Variants in OR1A1 observed in about 807,000 individuals in gnomAD.
OR1A1 encodes the protein olfactory receptor family 1 subfamily A member 1, also known as olfactory receptor 1A1.
For missense variants in OR1A1, 391 were observed against 379.9 expected (o/e 1.03, Z -0.24); for synonymous variants, 145 against 147.8 (o/e 0.98, Z 0.13).
Position 3,216,302 on chromosome 17 carries a change from C to T in OR1A1, c.682C>T (p.Pro228Ser). The T allele has an allele frequency of 6.2e-7, 1 of 1,614,202 alleles. No homozygotes were observed. Among genetic ancestry groups the T allele is most frequent in the Non-Finnish European group, 8.5e-7 (1 of 1,180,030 alleles). The change falls in exon 4 of 4, where the codon CCT becomes TCT. Residue 228 changes from proline to serine, a missense_variant. Coordinates refer to ENST00000641732, the MANE Select transcript of OR1A1 (RefSeq NM_014565.3). ...AGTCTTCTCCACAGTCTTCCAGGTT[C>T]CTTCCACCAAGGGCGTGCTCAAGGC... Reference protein sequence around the residue: ...IRVFSTVFQVPSTKGVLKAFS... With the variant: ...IRVFSTVFQVSSTKGVLKAFS...
At chr17:3,209,260 C>T (rs1007952952) in intron 2 of OR1A1, among the ~76,000 whole-genome samples, 16 of 152,172 alleles carry the variant, frequency 1.1e-4, no homozygotes, top group African/African-American at 3.4e-4. Flanking sequence ...GCTTAGCTCC[C>T]ACATATCAGT....
In OR1A1 at chr17:3,216,084, A is replaced by T; in HGVS notation, c.464A>T (p.Asn155Ile). ...IAGSWVIGNA[N>I]ALPHTLLTAS... ...GGGTCTTGGGTGATTGGAAATGCCAATGCCCTCCCCCACACTCTGCTCACA... is the reference window on the plus strand; with the variant it reads ...GGGTCTTGGGTGATTGGAAATGCCATTGCCCTCCCCCACACTCTGCTCACA... Residue 155 changes from asparagine (N) to isoleucine (I), a missense_variant, in exon 4 of 4, where the codon AAT (asparagine) becomes ATT (isoleucine). Physicochemically the swap from Asn to Ile is moderately radical, Grantham distance 149 (BLOSUM62 -3). Transcript: ENST00000641732. The T allele has an allele frequency of 6.2e-7, 1 of 1,614,128 alleles. No individual in the cohort carries two copies. Among genetic ancestry groups the T allele is most frequent in the Non-Finnish European group, 8.5e-7 (1 of 1,180,010 alleles).
intron 1 of OR1A1, among the ~76,000 whole-genome samples, chr17:3,208,348 CATGTGTGTGTGTGT>C (rs903867445): frequency 3.3e-5 from 5 of 151,820 alleles, no homozygotes; most frequent in Admixed American, 1.3e-4. Flanking sequence ...TGTGTGTGTG[CATGTGTGTGTGTGT>C]AAGAGAGAGC....
At chr17:3,209,364 G>A (rs1212023923) in intron 2 of OR1A1, among the ~76,000 whole-genome samples, 5 of 152,074 alleles carry the variant, frequency 3.3e-5, no homozygotes, top group East Asian at 1.9e-4. Context: ...GGCTTATGCC[G>A]GGAATTTCAA....
chr17:3,215,826 T>C lies in OR1A1; in HGVS notation c.206T>C (p.Val69Ala), dbSNP rs1402660781. ...TTTCTCCTTGCCAACCTCTCCTTGG[T>C]TGACATCTTCTTCTCATCGGTAACC... ...MYFLLANLSL[V>A]DIFFSSVTIP... The change falls in exon 4 of 4, where the codon GTT (valine) becomes GCT (alanine). Residue 69 changes from valine (V) to alanine (A), a missense_variant. Transcript: ENST00000641732. 2 of 1,614,062 alleles carry C rather than the reference T, an allele frequency of 1.2e-6. No homozygotes were observed. Among genetic ancestry groups the C allele is most frequent in the African/African-American group, 1.3e-5 (1 of 74,918 alleles).
chr17:3,218,236 T>C lies in OR1A1; in HGVS notation c.*1686T>C, dbSNP rs1454019310. ...ACAATGAGACACCATCTCATGCCAG[T>C]TGGAATGGCGATCATTAAAAAGTAA... On this transcript the variant is annotated 3_prime_UTR_variant, in exon 4 of 4. Coordinates refer to ENST00000641732, the MANE Select transcript of OR1A1 (RefSeq NM_014565.3). 1 of 152,178 alleles carries C rather than the reference T, an allele frequency of 6.6e-6. No individual in the cohort carries two copies. Among genetic ancestry groups the C allele is most frequent in the East Asian group, 1.9e-4 (1 of 5,194 alleles). 9.4% of individuals were successfully genotyped at this position (152,178 alleles called of 1,614,324 possible).
In OR1A1 at chr17:3,216,141, T is replaced by C; in HGVS notation, c.521T>C (p.Val174Ala). 2 of 1,614,196 alleles carry C rather than the reference T, an allele frequency of 1.2e-6. No homozygotes were observed. Among genetic ancestry groups the C allele is most frequent in the Non-Finnish European group, 8.5e-7 (1 of 1,180,028 alleles). ...ASLSFCGNQE[V>A]ANFYCDITPL... ...CTGTCCTTCTGTGGCAACCAGGAAG[T>C]GGCCAACTTCTACTGTGACATTACC... Residue 174 changes from valine (V) to alanine (A), a missense_variant, in exon 4 of 4, where the codon GTG (valine) becomes GCG (alanine). Transcript: ENST00000641732.
At chr17:3,209,194 T>G (rs1427701996) in intron 2 of OR1A1, among the ~76,000 whole-genome samples, 196 bp downstream of exon 2, 1 of 152,040 alleles carries the variant, frequency 6.6e-6, no homozygotes, top group East Asian at 1.9e-4. Context: ...CTTCGCACTC[T>G]TCCCCCCGAG....
At chr17:3,212,914 C>CTT (rs2048449915) in intron 3 of OR1A1, 1 of 152,294 alleles carries the variant, frequency 6.6e-6, no homozygotes, top group Non-Finnish European at 1.5e-5. Flanking sequence ...GAGGTAGAGT[C>CTT]TGATTTACAT....
Position 3,215,698 on chromosome 17 carries a change from C to T in OR1A1, c.78C>T (p.Phe26=). Residue 26 remains phenylalanine (F), a synonymous_variant, in exon 4 of 4, where the codon TTC becomes TTT. Coordinates refer to ENST00000641732, the MANE Select transcript of OR1A1 (RefSeq NM_014565.3). The part of the protein sequence containing the change: ...GVTGQQEQED[F]FYILFLFIYP... Reference sequence around the variant, plus strand: ...CTGGTCAGCAGGAACAGGAAGATTTCTTCTACATCCTCTTCTTGTTCATTT... The same window carrying T: ...CTGGTCAGCAGGAACAGGAAGATTTTTTCTACATCCTCTTCTTGTTCATTT... 1 of 1,613,864 alleles carries T rather than the reference C, an allele frequency of 6.2e-7. No homozygotes were observed. The highest frequency in any genetic ancestry group is 1.1e-5 in the South Asian group (1 of 91,068).
At chr17:3,213,494 A>T (rs1324907278) in intron 3 of OR1A1, 1 of 152,232 alleles carries the variant, frequency 6.6e-6, no homozygotes, top group Non-Finnish European at 1.5e-5. Flanking sequence ...TTTTTGAGTC[A>T]ATATCTCTTT....
intron 3 of OR1A1, chr17:3,214,861 AACC>A (rs141911636): frequency 0.21 from 31,943 of 152,006 alleles, 3,376 homozygotes; most frequent in South Asian, 0.27. Context: ...AGAGAAAAAA[AACC>A]AACAACTCTT....
chr17:3,211,493 G>T (rs1217127739), intron 2 of OR1A1, among the ~76,000 whole-genome samples: 2 of 151,980 alleles, frequency 1.3e-5, no homozygotes, highest in African/African-American at 4.8e-5. Flanking sequence ...GCACCACCAC[G>T]CCCAGCTAAT....
chr17:3,216,923 A>G lies in OR1A1; in HGVS notation c.*373A>G, dbSNP rs1476144797. The G allele has an allele frequency of 5.7e-6, 1 of 175,922 alleles. No homozygotes were observed. Among genetic ancestry groups the G allele is most frequent in the Non-Finnish European group, 1.2e-5 (1 of 82,324 alleles). The allele number at this position is 175,922 out of a possible 1,614,324, so 10.9% of individuals were successfully genotyped here. ...CATGCTTCCAAGATTATAAATCACT[A>G]TTCATGTGTCCATTTTTATTTGACT... On this transcript the variant is annotated 3_prime_UTR_variant, in exon 4 of 4. Coordinates refer to ENST00000641732, the MANE Select transcript of OR1A1 (RefSeq NM_014565.3).
chr17:3,213,392 G>T (rs1281362832), intron 3 of OR1A1: 2 of 152,154 alleles, frequency 1.3e-5, no homozygotes, highest in East Asian at 3.8e-4. Flanking sequence ...AAGATGATTA[G>T]ACCTACATCC....
intron 3 of OR1A1, chr17:3,214,234 C>T (rs2048455763): frequency 6.6e-6 from 1 of 152,114 alleles, no homozygotes; most frequent in African/African-American, 2.4e-5. Context: ...CACGGTGGCT[C>T]ACGCCTGTAA....
Position 3,216,339 on chromosome 17 carries a change from G to C in OR1A1, c.719G>C (p.Cys240Ser). ...TKGVLKAFST[C>S]GSHLTVVSLY... Reference sequence around the variant, plus strand: ...GGCGTGCTCAAGGCCTTCTCCACCTGTGGTTCCCACCTCACGGTTGTCTCT... The same window carrying C: ...GGCGTGCTCAAGGCCTTCTCCACCTCTGGTTCCCACCTCACGGTTGTCTCT... The change falls in exon 4 of 4, where the codon TGT becomes TCT. Residue 240 changes from cysteine to serine, a missense_variant. By Grantham distance (112) the Cys-to-Ser change is moderately radical (BLOSUM62 -1). Transcript: ENST00000641732. The C allele has an allele frequency of 6.2e-7, 1 of 1,614,186 alleles. No homozygotes were observed. Among genetic ancestry groups the C allele is most frequent in the Non-Finnish European group, 8.5e-7 (1 of 1,180,032 alleles).
chr17:3,209,085 A>G (rs12951449), intron 2 of OR1A1, 87 bp downstream of exon 2: 38,000 of 151,976 alleles, frequency 0.25, 5,566 homozygotes, highest in East Asian at 0.57. Context: ...ATTTGGTTAC[A>G]TGAGTAAGTT....
chr17:3,210,594 T>A (rs1432189602), intron 2 of OR1A1, among the ~76,000 whole-genome samples: 3 of 152,150 alleles, frequency 2.0e-5, no homozygotes, highest in Admixed American at 1.3e-4. Flanking sequence ...TTGCTGGTCC[T>A]TTTTTTGTTG....
Sources: allele counts gnomAD v4.1 joint callset (sites outside exome capture counted in the v4.1 genomes callset), GRCh38; gene constraint gnomAD v4.1.1; transcripts MANE v1.5; gene names NCBI Gene and HGNC (gene_info 2026-07-23, HGNC 2026-07-21).